The following CSMD1 variants were observed in gnomAD, a reference collection of about 807,000 sequenced individuals.
The protein encoded by CSMD1 is CUB and sushi domain-containing protein 1.
In CSMD1, 213 loss-of-function variants were observed where a neutral mutation model predicts 417.5. That is an observed-to-expected ratio of 0.51 (90% CI 0.46 to 0.57). The LOEUF (loss-of-function observed/expected upper bound fraction) is 0.57, where lower values mean the gene tolerates loss of function less well. CSMD1 is among the 20% of genes least tolerant of loss of function. The pLI, the probability that CSMD1 is intolerant of heterozygous loss-of-function variation, is 0.00. For synonymous variants in CSMD1, 2,862 were observed against 1,736.8 expected (o/e 1.65, Z -16.11); for missense variants, 6,923 against 4,529.7 (o/e 1.53, Z -15.17).
chr8:4,888,569 C>T (rs1445024163), intron 1 of CSMD1, among the ~76,000 whole-genome samples: 3 of 151,738 alleles, frequency 2.0e-5, no homozygotes, highest in Non-Finnish European at 4.4e-5. Flanking sequence ...GACCCCTGTA[C>T]CCTAACTCTA....
chr8:3,893,339 T>TTATATATATATATCTATATATATA (rs1807115575), intron 5 of CSMD1, among the ~76,000 whole-genome samples: 1 of 80,440 alleles, frequency 1.2e-5, no homozygotes, highest in African/African-American at 3.6e-5. Context: ...ATTCACAATT[T>TTATATATATATATCTATATATATA]TATATATATA....
At chr8:4,135,378 G>C (rs1400665729) in intron 3 of CSMD1, among the ~76,000 whole-genome samples, 1 of 106,954 alleles carries the variant, frequency 9.3e-6, no homozygotes, top group Non-Finnish European at 1.8e-5. Flanking sequence ...GGGAAAGTGG[G>C]AAAGAGGGGG....
rs189000042 is a variant in CSMD1 at position 4,345,088 on chromosome 8, G to C, written c.415+74865C>G. On this transcript the variant is annotated intron_variant, in intron 3 of 69. Coordinates refer to ENST00000635120, the MANE Select transcript of CSMD1 (RefSeq NM_033225.6). Reference sequence around the variant, plus strand: ...GTCTGTGGTTGGGGCTTAGAAAGAGGAGAAATGATGGGGCAGCCAAGGGGA... The same window carrying C: ...GTCTGTGGTTGGGGCTTAGAAAGAGCAGAAATGATGGGGCAGCCAAGGGGA... Among the ~76,000 whole-genome samples, 3 of 152,144 alleles carry C rather than the reference G, an allele frequency of 2.0e-5. No individual in the cohort carries two copies. In the South Asian group the frequency reaches 6.2e-4, roughly 31 times the overall value.
At chr8:4,560,189 TG>T (rs1798267284) in intron 2 of CSMD1, among the ~76,000 whole-genome samples, 1 of 152,220 alleles carries the variant, frequency 6.6e-6, no homozygotes, top group Non-Finnish European at 1.5e-5. Context: ...CTCAGTTCCA[TG>T]CTGCAAGAAG....
chr8:3,005,947 A>C (rs544526868), intron 52 of CSMD1, among the ~76,000 whole-genome samples: 2,708 of 152,206 alleles, frequency 0.018, 81 homozygotes, highest in African/African-American at 0.061. Flanking sequence ...GAAGGAAATA[A>C]AGGGTATTCA....
At chr8:3,157,242 G>A (rs538696653) in intron 39 of CSMD1, among the ~76,000 whole-genome samples, 1 of 152,018 alleles carries the variant, frequency 6.6e-6, no homozygotes, top group East Asian at 1.9e-4. Context: ...ATGATGGGGA[G>A]CAAAGGGCAC....
chr8:4,588,123 T>A (rs1446487458), intron 2 of CSMD1, among the ~76,000 whole-genome samples: 2 of 152,112 alleles, frequency 1.3e-5, no homozygotes, highest in Non-Finnish European at 2.9e-5. Flanking sequence ...CTAGAGTGGA[T>A]AATAATTTTT....
rs552344446 is a variant in CSMD1, at chr8:4,234,659, G to A, written c.415+185294C>T. ...GGAAGATTGCACCTGACGAATAGATGGCAGGTGCTAAATAAACACTTGTTA... is the reference window on the plus strand; with the variant it reads ...GGAAGATTGCACCTGACGAATAGATAGCAGGTGCTAAATAAACACTTGTTA... On this transcript the variant is annotated intron_variant, in intron 3 of 69. Coordinates refer to ENST00000635120, the MANE Select transcript of CSMD1 (RefSeq NM_033225.6). 9.7e-4 allele frequency among the ~76,000 whole-genome samples: 148 copies of A among 152,064 alleles called. 1 individual carries two copies. Among genetic ancestry groups the A allele is most frequent in the South Asian group, 1.7e-3 (8 of 4,820 alleles).
intron 23 of CSMD1, among the ~76,000 whole-genome samples, chr8:3,337,763 G>A (rs993329557): frequency 6.6e-6 from 1 of 152,206 alleles, no homozygotes; most frequent in Admixed American, 6.5e-5. Flanking sequence ...TGGGTAGAGA[G>A]AAAGTCAGCC....
At chr8:4,685,162 C>T (rs577830907) in intron 1 of CSMD1, among the ~76,000 whole-genome samples, 35 of 152,270 alleles carry the variant, frequency 2.3e-4, no homozygotes, top group Non-Finnish European at 4.3e-4. Context: ...TGTAAACAAA[C>T]ATAATGGACA....
chr8:3,550,247 C>T (rs1798853152), intron 10 of CSMD1, among the ~76,000 whole-genome samples: 1 of 152,106 alleles, frequency 6.6e-6, no homozygotes, highest in Admixed American at 6.5e-5. Flanking sequence ...CATCCTATGT[C>T]TCACCACCTG....
At chr8:4,470,768 ATTAT>A (rs1442452744) in intron 2 of CSMD1, among the ~76,000 whole-genome samples, 2 of 152,242 alleles carry the variant, frequency 1.3e-5, no homozygotes, top group Non-Finnish European at 2.9e-5. Flanking sequence ...TTGGACCCAG[ATTAT>A]TTAGACAATA....
At chr8:4,503,759 C>T (rs895656375) in intron 2 of CSMD1, among the ~76,000 whole-genome samples, 1 of 151,956 alleles carries the variant, frequency 6.6e-6, no homozygotes, top group South Asian at 2.1e-4. Context: ...GCTGGTCTGT[C>T]CTATGTCTCG....
rs555540196 is a variant in CSMD1, at chr8:4,717,549, C to CCTATCTATCTAT, written c.86-80003_86-79992dup. Among the ~76,000 whole-genome samples, 166 of 148,864 alleles carry CCTATCTATCTAT rather than the reference C, an allele frequency of 1.1e-3. 1 individual carries two copies. The highest frequency in any genetic ancestry group is 3.0e-3 in the African/African-American group (118 of 39,108). On this transcript the variant is annotated intron_variant, in intron 1 of 69. Transcript: ENST00000635120. ...ACCTATCAATCTGTCTGTCTGTCTA[C>CCTATCTATCTAT]CTATCTATCTATCTATCCATCCATC...
At chr8:4,991,785 G>C (rs1040554092) in intron 1 of CSMD1, among the ~76,000 whole-genome samples, 24 of 152,328 alleles carry the variant, frequency 1.6e-4, no homozygotes, top group Admixed American at 6.5e-4. Context: ...CGGCGACTCC[G>C]GCGCTGGCGT....
At chr8:3,842,142 G>A in intron 5 of CSMD1, among the ~76,000 whole-genome samples, 1 of 152,120 alleles carries the variant, frequency 6.6e-6, no homozygotes, top group East Asian at 1.9e-4. Context: ...TCTTCTCCTT[G>A]TCAAACAACC....
chr8:3,063,809 G>A (rs1014160341), intron 49 of CSMD1, among the ~76,000 whole-genome samples: 11 of 152,176 alleles, frequency 7.2e-5, no homozygotes, highest in African/African-American at 2.4e-4. Context: ...ATGATGGCTT[G>A]TAGGGGCTGG....
intron 3 of CSMD1, among the ~76,000 whole-genome samples, chr8:4,359,798 C>T (rs994400815): frequency 6.6e-6 from 1 of 152,212 alleles, no homozygotes. Flanking sequence ...ACAATGAGTA[C>T]AGGCTAGTTG....
chr8:4,798,035 T>G (rs1012032610), intron 1 of CSMD1, among the ~76,000 whole-genome samples: 3 of 152,252 alleles, frequency 2.0e-5, no homozygotes, highest in African/African-American at 7.2e-5. Flanking sequence ...TATTATACTT[T>G]AAGTTCTAGG....
Sources: allele counts gnomAD v4.1 joint callset (sites outside exome capture counted in the v4.1 genomes callset), GRCh38; gene constraint gnomAD v4.1.1; transcripts MANE v1.5; gene names NCBI Gene and HGNC (gene_info 2026-07-23, HGNC 2026-07-21).